PKHD1: variants seen among roughly 807,000 people sequenced by gnomAD.
PKHD1 encodes the protein fibrocystin.
PKHD1 carries 291 observed loss-of-function variants against 412.0 expected under a neutral mutation model. That is an observed-to-expected ratio of 0.71 (90% confidence interval 0.64 to 0.78). The LOEUF (loss-of-function observed/expected upper bound fraction) is 0.78, where lower values mean the gene tolerates loss of function less well. Among genes scored for constraint, PKHD1 ranks in the 30% least tolerant of loss-of-function variants. The pLI, the probability that PKHD1 is intolerant of heterozygous loss-of-function variation, is 0.00. For synonymous variants in PKHD1, 1,777 were observed against 1,821.5 expected (o/e 0.98, Z 0.62); for missense variants, 4,825 against 4,950.7 (o/e 0.97, Z 0.76).
chr6:52,082,576 G>C, intron 3 of PKHD1, 34 bp from the exon 4 acceptor site: 1 of 1,609,658 alleles, frequency 6.2e-7, no homozygotes, highest in Non-Finnish European at 8.5e-7. Context: ...AGGCTGCATA[G>C]AATTGTCATT....
At chr6:51,882,117 A>G (rs1777469856) in intron 46 of PKHD1, among the ~76,000 whole-genome samples, 1 of 152,170 alleles carries the variant, frequency 6.6e-6, no homozygotes, top group Admixed American at 6.5e-5. Flanking sequence ...CATCTACTCT[A>G]AGGTTATTTC....
chr6:51,713,233 T>A lies in PKHD1; in HGVS notation c.10156+31152A>T, dbSNP rs145022546. On this transcript the variant is annotated intron_variant, in intron 60 of 66. Coordinates refer to ENST00000371117, the MANE Select transcript of PKHD1 (RefSeq NM_138694.4). ...ATACTGTCAAATGATTTTTCTTAGA[T>A]CCTGGATAAAACTCTAAGCAGATGA... 3.6e-3 allele frequency among the ~76,000 whole-genome samples: 546 copies of A among 152,314 alleles called. 2 individuals carry two copies. The highest frequency in any genetic ancestry group is 0.012 in the African/African-American group (515 of 41,570).
At chr6:51,983,398 T>TTC (rs988644547) in intron 35 of PKHD1, among the ~76,000 whole-genome samples, 3 of 152,128 alleles carry the variant, frequency 2.0e-5, no homozygotes, top group African/African-American at 7.2e-5. Context: ...CACAGTGTGT[T>TTC]TCTCTCTCAA....
intron 48 of PKHD1, among the ~76,000 whole-genome samples, chr6:51,867,355 G>A (rs1347896885): frequency 6.6e-6 from 1 of 152,046 alleles, no homozygotes; most frequent in East Asian, 1.9e-4. Flanking sequence ...AATATTAATA[G>A]GAAATGTATT....
At chr6:51,624,171 T>C (rs1766968635) in intron 66 of PKHD1, among the ~76,000 whole-genome samples, 2 of 152,120 alleles carry the variant, frequency 1.3e-5, no homozygotes, top group African/African-American at 4.8e-5. Context: ...ATCCTCCACC[T>C]CGGCCTCCTG....
Position 52,010,452 on chromosome 6 carries a change from A to C in PKHD1, c.5608T>G (p.Leu1870Val), listed in dbSNP as rs2435322. Residue 1870 changes from leucine to valine, a missense_variant, in exon 35 of 67, where the codon TTG becomes GTG. Coordinates refer to ENST00000371117, the MANE Select transcript of PKHD1 (RefSeq NM_138694.4). ...SFSGLFISPKLERDEVLIYNS... is the reference protein window; with the variant it reads ...SFSGLFISPKVERDEVLIYNS... Reference sequence around the variant, plus strand: ...TAGATGAGAACTTCATCTCTTTCCAATTTAGGGCTGAAACGAGAGGGGAGG... The same window carrying C: ...TAGATGAGAACTTCATCTCTTTCCACTTTAGGGCTGAAACGAGAGGGGAGG... 0.99 allele frequency: 1,585,553 copies of C among 1,597,222 alleles called. 787,696 individuals carry two copies. Among genetic ancestry groups the C allele is most frequent in the East Asian group, 1 (44,789 of 44,790 alleles).
rs1375765328 is a variant in PKHD1 at position 52,083,252 on chromosome 6, C to T, written c.56G>A (p.Arg19His). 15 of 1,598,930 alleles carry T rather than the reference C, an allele frequency of 9.4e-6. No homozygotes were observed. The highest frequency in any genetic ancestry group is 6.7e-5 in the East Asian group (3 of 44,818). Reference protein sequence around the residue: ...MSIEVLLLAVRHLSLHIEPEE... With the variant: ...MSIEVLLLAVHHLSLHIEPEE... ...AGGTTCAATATGTAAACTCAGGTGACGTACTGTAAGTAAGTGAAAAAAAAC... is the reference window on the plus strand; with the variant it reads ...AGGTTCAATATGTAAACTCAGGTGATGTACTGTAAGTAAGTGAAAAAAAAC... Residue 19 changes from arginine (R) to histidine (H), a missense_variant, in exon 3 of 67, where the codon CGT becomes CAT. Transcript: ENST00000371117.
intron 59 of PKHD1, 82 bp downstream of exon 59, chr6:51,746,639 C>A: frequency 1.1e-6 from 1 of 870,314 alleles, no homozygotes; most frequent in Non-Finnish European, 1.9e-6. Context: ...TGATTTTATT[C>A]CTTTCAAAAA....
At chr6:51,760,628 T>C (rs1340564738) in intron 55 of PKHD1, among the ~76,000 whole-genome samples, 1 of 152,040 alleles carries the variant, frequency 6.6e-6, no homozygotes, top group Non-Finnish European at 1.5e-5. Context: ...GTACAAAAGT[T>C]GTTGTAGAGA....
At chr6:51,739,211 T>C (rs1784254960) in intron 60 of PKHD1, among the ~76,000 whole-genome samples, 1 of 150,222 alleles carries the variant, frequency 6.7e-6, no homozygotes, top group South Asian at 2.1e-4. Flanking sequence ...TGCATGTGTA[T>C]GTACATGTAT....
At chr6:51,809,502 T>C (rs747923114) in intron 52 of PKHD1, among the ~76,000 whole-genome samples, 11 of 152,100 alleles carry the variant, frequency 7.2e-5, no homozygotes, top group Admixed American at 4.6e-4. Context: ...TTGCCAGTTG[T>C]ATATTTGCTT....
rs1571084 is a variant in PKHD1, at chr6:51,830,849, A to T, written c.8302+12T>A. On this transcript the variant is annotated intron_variant, in intron 52 of 66. Transcript: ENST00000371117. ...CCTGTCTGTGATTCATCTCTTGGGT[A>T]GTTTTACTCACTGGGTAAAATGAGA... 0.41 allele frequency: 663,779 copies of T among 1,609,244 alleles called. 143,095 individuals are homozygous for T. The highest frequency in any genetic ancestry group is 0.59 in the African/African-American group (44,350 of 74,784).
chr6:51,887,296 T>C (rs1457577854), intron 43 of PKHD1, 51 bp from the exon 44 acceptor site: 2 of 1,177,836 alleles, frequency 1.7e-6, no homozygotes, highest in Non-Finnish European at 2.6e-6. Flanking sequence ...TATGATAAGG[T>C]TGCTGGAAAG....
chr6:51,761,818 C>A (rs1788065895), intron 55 of PKHD1, among the ~76,000 whole-genome samples: 1 of 148,462 alleles, frequency 6.7e-6, no homozygotes. Context: ...CTTGAAAATT[C>A]AATGAGATAA....
chr6:51,883,828 T>G (rs561264886), intron 45 of PKHD1, among the ~76,000 whole-genome samples: 1 of 152,212 alleles, frequency 6.6e-6, no homozygotes, highest in Admixed American at 6.5e-5. Context: ...ATAACAGTGT[T>G]AGGAGGTGTG....
At chr6:51,677,596 A>G (rs1340297230) in intron 60 of PKHD1, among the ~76,000 whole-genome samples, 1 of 152,208 alleles carries the variant, frequency 6.6e-6, no homozygotes, top group Non-Finnish European at 1.5e-5. Context: ...AATTAATACA[A>G]GAAAAACGGA....
At chr6:51,786,069 T>C (rs1792807876) in intron 53 of PKHD1, among the ~76,000 whole-genome samples, 1 of 152,192 alleles carries the variant, frequency 6.6e-6, no homozygotes, top group Non-Finnish European at 1.5e-5. Flanking sequence ...AAATACGTAC[T>C]ATTATTATTT....
chr6:51,901,220 C>T (rs1189748572), intron 43 of PKHD1, among the ~76,000 whole-genome samples: 3 of 152,132 alleles, frequency 2.0e-5, no homozygotes, highest in East Asian at 1.9e-4. Context: ...CACATGCACA[C>T]GTATGTTTAT....
At chr6:52,065,168 T>TATATATATATATATATATAGAGAG (rs1472830438) in intron 12 of PKHD1, 118 bp from the exon 13 acceptor site, 1 of 31,412 alleles carries the variant, frequency 3.2e-5, no homozygotes, top group Non-Finnish European at 5.6e-5. Context: ...TATATATATA[T>TATATATATATATATATATAGAGAG]AGAGAGAGAG....
Sources: gnomAD v4.1 joint callset for allele counts (sites outside exome capture counted in the v4.1 genomes callset) on GRCh38, gnomAD v4.1.1 for gene constraint, MANE v1.5 for transcripts, NCBI Gene and HGNC (gene_info 2026-07-23, HGNC 2026-07-21) for gene names.